The following PTCD3 variants were observed in gnomAD, a reference collection of about 807,000 sequenced individuals.
PTCD3 encodes pentatricopeptide repeat domain 3.
Under a neutral mutation model 101.9 loss-of-function variants are expected in PTCD3, and 89 were observed. That is an observed-to-expected ratio of 0.87 (90% CI 0.74 to 1.04). PTCD3 has a LOEUF of 1.04. Ranked by LOEUF, PTCD3 falls within the 50% of genes least tolerant of loss-of-function variation. The probability of loss-of-function intolerance (pLI) is 0.00; values close to 1 mark genes in which losing one functional copy is unlikely to be tolerated. For missense variants in PTCD3, 870 were observed against 828.2 expected (o/e 1.05, Z -0.62); for synonymous variants, 296 against 278.5 (o/e 1.06, Z -0.63).
Position 86,136,501 on chromosome 2 carries a change from CTTT to C in PTCD3, c.1779-17_1779-15del, listed in dbSNP as rs748864925. The C allele has an allele frequency of 6.3e-7, 1 of 1,598,650 alleles. No individual in the cohort carries two copies. Among genetic ancestry groups the C allele is most frequent in the Non-Finnish European group, 8.6e-7 (1 of 1,166,042 alleles). On this transcript the variant is annotated splice_polypyrimidine_tract_variant and intron_variant, in intron 21 of 23. Transcript: ENST00000254630. ...TTGTTTTTCTAATAGTATTCATAAT[CTTT>C]TTCCTTTCTTGAGCAGGAAAATGTT...
At chr2:86,133,588 A>G in intron 19 of PTCD3, 152 bp downstream of exon 19, 1 of 804,900 alleles carries the variant, frequency 1.2e-6, no homozygotes, top group Non-Finnish European at 1.9e-6. Flanking sequence ...TCATGTGCTC[A>G]TGTTGCATGT....
At chr2:86,130,874 A>G in intron 15 of PTCD3, 137 bp downstream of exon 15, 5 of 1,443,124 alleles carry the variant, frequency 3.5e-6, no homozygotes, top group Non-Finnish European at 3.6e-6. Context: ...AGTACATAGT[A>G]GGTGTATATA....
chr2:86,120,279 G>T (rs1301067605), intron 7 of PTCD3, among the ~76,000 whole-genome samples: 1 of 152,130 alleles, frequency 6.6e-6, no homozygotes, highest in Non-Finnish European at 1.5e-5. Flanking sequence ...AAAGACAGGT[G>T]TCAGACCCAT....
At chr2:86,123,802 T>TA in intron 9 of PTCD3, 40 bp downstream of exon 9, 1 of 1,429,570 alleles carries the variant, frequency 7.0e-7, no homozygotes, top group Non-Finnish European at 9.6e-7. Context: ...TACAGTGTCT[T>TA]ACAGTGCATG....
intron 15 of PTCD3, 47 bp downstream of exon 15, chr2:86,130,784 C>A (rs750408529): frequency 6.2e-7 from 1 of 1,603,162 alleles, no homozygotes; most frequent in Admixed American, 1.7e-5. Flanking sequence ...AGACAGAGGG[C>A]CGGTTTACCT....
At position 86,141,626 on chromosome 2, in the gene PTCD3, A is replaced by C. The variant is rs1573862802; in HGVS notation, c.*4067A>C. On this transcript the variant is annotated 3_prime_UTR_variant, in exon 24 of 24. Transcript: ENST00000254630. ...TGAAATATTAAACATGAAAATGTTA[A>C]ATCAGGATGTGTGAGTTTTAAGATG... is the stretch of plus-strand genomic sequence containing the variant. The C allele has an allele frequency of 6.6e-6, 1 of 152,270 alleles. No homozygotes were observed. Among genetic ancestry groups the C allele is most frequent in the Non-Finnish European group, 1.5e-5 (1 of 68,044 alleles). The allele number at this position is 152,270 out of a possible 1,614,324, so 9.4% of individuals were successfully genotyped here.
At position 86,123,763 on chromosome 2, in the gene PTCD3, G is replaced by A; in HGVS notation, c.716+1G>A. 2 of 1,593,856 alleles carry A rather than the reference G, an allele frequency of 1.3e-6. No homozygotes were observed. Among genetic ancestry groups the A allele is most frequent in the South Asian group, 2.3e-5 (2 of 87,936 alleles). On this transcript the variant is annotated splice_donor_variant, in intron 9 of 23. Coordinates refer to ENST00000254630, the MANE Select transcript of PTCD3 (RefSeq NM_017952.6). LOFTEE classifies it high-confidence loss of function. ...GTCATCAGTTTGGAGTTACATGGCG[G>A]TATGTCACACGTAATTAGAACCTTG... is the stretch of plus-strand genomic sequence containing the variant.
chr2:86,134,500 T>C lies in PTCD3; in HGVS notation c.1629+123T>C, dbSNP rs544635218. The stretch of plus-strand genomic sequence containing the variant: ...ACCCAAACCCATATTTGAGTGATGA[T>C]ACATCTAAACATATCTTGCCCTTAG... On this transcript the variant is annotated intron_variant, in intron 20 of 23. Transcript: ENST00000254630. 13 of 776,164 alleles carry C rather than the reference T, an allele frequency of 1.7e-5. No individual in the cohort carries two copies. The South Asian group carries it at 1.9e-4, about 12-fold the overall frequency. The allele number at this position is 776,164 out of a possible 1,614,324, so 48.1% of individuals were successfully genotyped here.
Position 86,134,883 on chromosome 2 carries a change from G to A in PTCD3, c.1674G>A (p.Ala558=), listed in dbSNP as rs148914553. 65 of 1,613,998 alleles carry A rather than the reference G, an allele frequency of 4.0e-5. No homozygotes were observed. Among genetic ancestry groups the A allele is most frequent in the African/African-American group, 2.0e-4 (15 of 74,902 alleles). ...ACTGTGCTGCTGATATCAAATCTGC[G>A]TATGAAAGCCAACCCATCAGACAGA... is the stretch of plus-strand genomic sequence containing the variant. ...FADCAADIKS[A]YESQPIRQTA... is the part of the protein sequence containing the mutation. The change falls in exon 21 of 24, where the codon GCG becomes GCA. Residue 558 remains alanine, a synonymous_variant. Coordinates refer to ENST00000254630, the MANE Select transcript of PTCD3 (RefSeq NM_017952.6).
chr2:86,135,624 T>C (rs1299506438), intron 21 of PTCD3, among the ~76,000 whole-genome samples: 5 of 152,200 alleles, frequency 3.3e-5, no homozygotes, highest in African/African-American at 9.7e-5. Context: ...TATTTTGTTT[T>C]GTATATAAAT....
rs962200494 is a variant in PTCD3 at position 86,139,879 on chromosome 2, A to T, written c.*2320A>T. 3.9e-5 allele frequency: 6 copies of T among 152,146 alleles called. No homozygotes were observed. The highest frequency in any genetic ancestry group is 1.4e-4 in the African/African-American group (6 of 41,434). 9.4% of individuals were successfully genotyped at this position (152,146 alleles called of 1,614,324 possible). On this transcript the variant is annotated 3_prime_UTR_variant, in exon 24 of 24. Coordinates refer to ENST00000254630, the MANE Select transcript of PTCD3 (RefSeq NM_017952.6). The stretch of plus-strand genomic sequence containing the variant: ...GGGAGTCTTACTATATGTGGAATAA[A>T]CTTGCTCAGTGTTGCCACAGAGTTA...
rs555045541 is a variant in PTCD3 at position 86,116,643 on chromosome 2, T to G, written c.309+45T>G. 4.8e-5 allele frequency: 68 copies of G among 1,403,960 alleles called. 2 individuals carry two copies. In the South Asian group the frequency reaches 7.8e-4, roughly 16 times the overall value. The allele number at this position is 1,403,960 out of a possible 1,614,324, so 87.0% of individuals were successfully genotyped here. ...TTTCTAGTGTTTTATCTCTCTGGTTTGCGTACAACAGTACATAAATAATTT... is the reference window on the plus strand; with the variant it reads ...TTTCTAGTGTTTTATCTCTCTGGTTGGCGTACAACAGTACATAAATAATTT... On this transcript the variant is annotated intron_variant, in intron 5 of 23. Coordinates refer to ENST00000254630, the MANE Select transcript of PTCD3 (RefSeq NM_017952.6).
rs937827361 is a variant in PTCD3, at chr2:86,140,884, AAC to A, written c.*3329_*3330del. The A allele has an allele frequency of 2.7e-5, 4 of 147,352 alleles. No individual in the cohort carries two copies. Among genetic ancestry groups the A allele is most frequent in the African/African-American group, 1.0e-4 (4 of 40,038 alleles). 9.1% of individuals were successfully genotyped at this position (147,352 alleles called of 1,614,324 possible). On this transcript the variant is annotated 3_prime_UTR_variant, in exon 24 of 24. Coordinates refer to ENST00000254630, the MANE Select transcript of PTCD3 (RefSeq NM_017952.6). ...GCTTGAGTTCAAGACCAGCCTGAGC[AAC>A]ACAGTGAAAACCCATCTCAAAAAAA...
intron 7 of PTCD3, among the ~76,000 whole-genome samples, chr2:86,120,096 C>G (rs549679915): frequency 2.6e-5 from 4 of 152,298 alleles, no homozygotes; most frequent in African/African-American, 9.6e-5. Context: ...CTTGGTACAG[C>G]ATCAGATGTA....
chr2:86,130,607 A>G (rs1674477269), intron 14 of PTCD3, 41 bp from the exon 15 acceptor site: 2 of 1,591,566 alleles, frequency 1.3e-6, no homozygotes, highest in African/African-American at 2.7e-5. Context: ...TGGTGGTGGT[A>G]AAGGAAGTGG....
intron 12 of PTCD3, among the ~76,000 whole-genome samples, chr2:86,126,161 C>T (rs543902441): frequency 6.2e-5 from 9 of 145,068 alleles, no homozygotes; most frequent in East Asian, 4.3e-4. Context: ...ACCCGGGAGG[C>T]GGAGGTTGCT....
At chr2:86,132,176 C>A (rs1299945059) in intron 16 of PTCD3, 142 bp from the exon 17 acceptor site, 2 of 547,840 alleles carry the variant, frequency 3.7e-6, no homozygotes, top group Non-Finnish European at 3.2e-6. Flanking sequence ...GTCTCCCCCC[C>A]ATTTCTTATA....
intron 12 of PTCD3, 110 bp from the exon 13 acceptor site, chr2:86,127,051 C>T: frequency 1.1e-6 from 1 of 948,212 alleles, no homozygotes; most frequent in South Asian, 1.8e-5. Context: ...TAGTTACTAA[C>T]CTGCTTTAAA....
At chr2:86,126,479 CA>C (rs1674391905) in intron 12 of PTCD3, among the ~76,000 whole-genome samples, 1 of 152,050 alleles carries the variant, frequency 6.6e-6, no homozygotes, top group African/African-American at 2.4e-5. Flanking sequence ...TATTTGCTGT[CA>C]AATCCTATCA....
Sources: allele counts gnomAD v4.1 joint callset (sites outside exome capture counted in the v4.1 genomes callset), GRCh38; gene constraint gnomAD v4.1.1; transcripts MANE v1.5; gene names NCBI Gene and HGNC (gene_info 2026-07-23, HGNC 2026-07-21).